PALLD: variants seen among roughly 807,000 people sequenced by gnomAD.
PALLD encodes the protein palladin, cytoskeletal associated protein.
A neutral mutation model predicts 123.5 loss-of-function variants in PALLD; 61 were observed. The observed-to-expected ratio is 0.49, with a 90% CI of 0.40 to 0.61. PALLD has a LOEUF of 0.61. Among genes scored for constraint, PALLD ranks in the 20% least tolerant of loss-of-function variants. PALLD has a pLI of 0.00. For missense variants in PALLD, 1,273 were observed against 1,377.0 expected (o/e 0.92, Z 1.20); for synonymous variants, 465 against 496.4 (o/e 0.94, Z 0.84).
At chr4:168,579,291 G>C (rs1460216125) in intron 2 of PALLD, among the ~76,000 whole-genome samples, 1 of 152,148 alleles carries the variant, frequency 6.6e-6, no homozygotes, top group African/African-American at 2.4e-5. Context: ...GTCTCCTCCA[G>C]AGGGACATTG....
At chr4:168,551,260 T>A (rs1766701218) in intron 2 of PALLD, among the ~76,000 whole-genome samples, 1 of 152,246 alleles carries the variant, frequency 6.6e-6, no homozygotes, top group Non-Finnish European at 1.5e-5. Flanking sequence ...TCGTGAATTG[T>A]TTGCTCAGGT....
intron 3 of PALLD, among the ~76,000 whole-genome samples, chr4:168,671,793 G>C (rs1345513940): frequency 6.6e-6 from 1 of 152,094 alleles, no homozygotes; most frequent in Non-Finnish European, 1.5e-5. Context: ...TATTCCTATT[G>C]AATTGCTTCC....
intron 10 of PALLD, among the ~76,000 whole-genome samples, chr4:168,787,897 A>G (rs1484530274): frequency 6.6e-6 from 1 of 152,244 alleles, no homozygotes; most frequent in Admixed American, 6.5e-5. Flanking sequence ...GTATGTTTAT[A>G]TAAATTTGGT....
At chr4:168,547,400 C>T (rs147654791) in intron 2 of PALLD, among the ~76,000 whole-genome samples, 155 of 151,842 alleles carry the variant, frequency 1.0e-3, no homozygotes, top group African/African-American at 3.6e-3. Flanking sequence ...CCACAATGAA[C>T]GTGGAGCCCT....
rs559571465 is a variant in PALLD at position 168,693,920 on chromosome 4, A to T, written c.1501+2628A>T. Among the ~76,000 whole-genome samples the T allele has an allele frequency of 9.8e-5, 15 of 152,350 alleles. No homozygotes were observed. The East Asian group carries it at 2.7e-3, about 27-fold the overall frequency. On this transcript the variant is annotated intron_variant, in intron 8 of 21. Transcript: ENST00000505667. Reference sequence around the variant, plus strand: ...AAACACATGAATGACCACGCAAGTGACTAATTATATGAGTTGTTGTGAGTA... The same window carrying T: ...AAACACATGAATGACCACGCAAGTGTCTAATTATATGAGTTGTTGTGAGTA...
Position 168,704,523 on chromosome 4 carries a change from T to G in PALLD, c.1502-4505T>G, listed in dbSNP as rs149795877. ...CGTCTCTACTAAAAATACAAAAAAA[T>G]TAGCCGGGCGGGCGCCTGTAGTCCC... On this transcript the variant is annotated intron_variant, in intron 8 of 21. Coordinates refer to ENST00000505667, the MANE Select transcript of PALLD (RefSeq NM_001166108.2). Among the ~76,000 whole-genome samples, 1,405 of 151,774 alleles carry G rather than the reference T, an allele frequency of 9.3e-3. 20 individuals are homozygous for G. The highest frequency in any genetic ancestry group is 0.032 in the African/African-American group (1,309 of 41,418).
Position 168,924,949 on chromosome 4 carries a change from C to G in PALLD, c.3229C>G (p.His1077Asp). 2 of 1,614,090 alleles carry G rather than the reference C, an allele frequency of 1.2e-6. No individual in the cohort carries two copies. The change falls in exon 20 of 22, where the codon CAC becomes GAC. Residue 1077 changes from histidine (H) to aspartate (D), a missense_variant. Around this residue, in one of 2 missense-constraint regions of PALLD, gnomAD observed 329 missense variants for 422.5 expected, o/e 0.78. Coordinates refer to ENST00000505667, the MANE Select transcript of PALLD (RefSeq NM_001166108.2). ...LTHSTDRVSM[H>D]QDNHGYICLL... ...TGACTTTATCCTTTTCTCCAGCATG[C>G]ACCAGGACAACCACGGCTACATCTG...
At position 168,587,306 on chromosome 4, in the gene PALLD, C is replaced by A. The variant is rs746959321; in HGVS notation, c.908+74894C>A. 9.9e-5 allele frequency among the ~76,000 whole-genome samples: 15 copies of A among 152,198 alleles called. 1 individual carries two copies. The highest frequency in any genetic ancestry group is 2.0e-4 in the Admixed American group (3 of 15,284). On this transcript the variant is annotated intron_variant, in intron 2 of 21. Transcript: ENST00000505667. Reference sequence around the variant, plus strand: ...AGACATTCTTTGAAGACCACATAGGCAATCACTTGACCAAATGCCACCTAA... The same window carrying A: ...AGACATTCTTTGAAGACCACATAGGAAATCACTTGACCAAATGCCACCTAA...
chr4:168,671,034 A>AT (rs956655213), intron 3 of PALLD, among the ~76,000 whole-genome samples: 6 of 151,424 alleles, frequency 4.0e-5, no homozygotes, highest in African/African-American at 7.3e-5. Context: ...AAGAAAAAAA[A>AT]AATGTAAAAT....
intron 2 of PALLD, among the ~76,000 whole-genome samples, chr4:168,653,904 G>A (rs994042892): frequency 3.4e-4 from 52 of 152,080 alleles, no homozygotes; most frequent in African/African-American, 1.3e-3. Flanking sequence ...GTTTCACCAT[G>A]TTAGCCAGGA....
intron 2 of PALLD, among the ~76,000 whole-genome samples, chr4:168,579,635 C>T (rs1770024984): frequency 6.6e-6 from 1 of 151,900 alleles, no homozygotes; most frequent in Non-Finnish European, 1.5e-5. Flanking sequence ...CATGTTTATG[C>T]CCCTATTGTG....
In PALLD at chr4:168,759,203, ATATATATATATATATAT is replaced by A. The variant is rs1346718669; in HGVS notation, c.1964+47281_1964+47297del. On this transcript the variant is annotated intron_variant, in intron 10 of 21. Coordinates refer to ENST00000505667, the MANE Select transcript of PALLD (RefSeq NM_001166108.2). Reference sequence around the variant, plus strand: ...TCAAAAAAAAAAAAAAAAAAAAAAAATATATATATATATATATATATATATATATATATATATATATA... The same window carrying A: ...TCAAAAAAAAAAAAAAAAAAAAAAAAATATATATATATATATATATATATA... Among the ~76,000 whole-genome samples the A allele has an allele frequency of 2.5e-3, 97 of 39,494 alleles. 15 individuals carry two copies. The highest frequency in any genetic ancestry group is 0.012 in the African/African-American group (88 of 7,486). 25.9% of individuals were successfully genotyped at this position (39,494 alleles called of 152,430 possible).
intron 10 of PALLD, among the ~76,000 whole-genome samples, chr4:168,737,467 A>G (rs577087836): frequency 3.9e-5 from 6 of 152,150 alleles, no homozygotes; most frequent in African/African-American, 1.2e-4. Flanking sequence ...GGTTTTCTCT[A>G]TGTACAACAT....
chr4:168,810,147 G>GT (rs1180144904), intron 10 of PALLD, among the ~76,000 whole-genome samples: 1 of 152,000 alleles, frequency 6.6e-6, no homozygotes, highest in Admixed American at 6.6e-5. Context: ...AAGCAAGATC[G>GT]TAAGAGGTTG....
At chr4:168,899,911 C>G (rs1294814449) in intron 14 of PALLD, among the ~76,000 whole-genome samples, 1 of 150,796 alleles carries the variant, frequency 6.6e-6, no homozygotes, top group Non-Finnish European at 1.5e-5. Flanking sequence ...CAGTGAGACT[C>G]CGTCTCAAAA....
intron 18 of PALLD, among the ~76,000 whole-genome samples, chr4:168,922,545 A>G (rs909086792): frequency 2.6e-5 from 4 of 152,198 alleles, no homozygotes; most frequent in Non-Finnish European, 5.9e-5. Flanking sequence ...GCTCTTCTAA[A>G]CACACTACGT....
At chr4:168,709,239 G>C in intron 9 of PALLD, 92 bp downstream of exon 9, 1 of 1,332,530 alleles carries the variant, frequency 7.5e-7, no homozygotes, top group South Asian at 1.2e-5. Context: ...GCCAGGTGCA[G>C]TGGCTCACAC....
intron 2 of PALLD, among the ~76,000 whole-genome samples, chr4:168,615,711 G>A (rs983830310): frequency 2.8e-4 from 42 of 152,300 alleles, no homozygotes; most frequent in African/African-American, 9.9e-4. Flanking sequence ...GCCAAGGGGG[G>A]TGCTTGTAAT....
At position 168,926,284 on chromosome 4, in the gene PALLD, C is replaced by T; in HGVS notation, c.*104C>T. 2 of 1,537,194 alleles carry T rather than the reference C, an allele frequency of 1.3e-6. No individual in the cohort carries two copies. The highest frequency in any genetic ancestry group is 1.7e-6 in the Non-Finnish European group (2 of 1,146,828). On this transcript the variant is annotated 3_prime_UTR_variant, in exon 22 of 22. Transcript: ENST00000505667. Reference sequence around the variant, plus strand: ...GCCCTCAGCCAGTCGCTATGCAGCACTTTCGGACCAGGGACTAGACATCAA... The same window carrying T: ...GCCCTCAGCCAGTCGCTATGCAGCATTTTCGGACCAGGGACTAGACATCAA...
Sources: gnomAD v4.1 joint callset for allele counts (sites outside exome capture counted in the v4.1 genomes callset) on GRCh38, gnomAD v4.1.1 for gene constraint, gnomAD v4.1.1 regional missense constraint, MANE v1.5 for transcripts, NCBI Gene and HGNC (gene_info 2026-07-23, HGNC 2026-07-21) for gene names.